Variants in NRXN3 observed in about 807,000 individuals in gnomAD.
The protein encoded by NRXN3 is neurexin 3.
In NRXN3, 32 loss-of-function variants were observed where a neutral mutation model predicts 137.6. The ratio of observed to expected loss-of-function variants is 0.23; its 90% confidence interval spans 0.18 to 0.31. The LOEUF (loss-of-function observed/expected upper bound fraction) is 0.31, where lower values mean the gene tolerates loss of function less well. NRXN3 is among the 10% of genes least tolerant of loss of function. The probability of loss-of-function intolerance (pLI) is 1.00; values close to 1 mark genes in which losing one functional copy is unlikely to be tolerated. For missense variants in NRXN3, 1,574 were observed against 2,062.5 expected (o/e 0.76, Z 4.59); for synonymous variants, 798 against 784.5 (o/e 1.02, Z -0.29).
chr14:78,577,748 T>C (rs75526660), intron 4 of NRXN3, among the ~76,000 whole-genome samples: 2,053 of 152,278 alleles, frequency 0.013, 39 homozygotes, highest in African/African-American at 0.048. Flanking sequence ...AAAAAATCTT[T>C]AATGTTGCGT....
At chr14:78,886,366 A>G (rs1487731910) in intron 10 of NRXN3, among the ~76,000 whole-genome samples, 1 of 152,140 alleles carries the variant, frequency 6.6e-6, no homozygotes, top group East Asian at 1.9e-4. Context: ...AGAGTTCAGT[A>G]TATATTCAGT....
chr14:79,458,573 A>T (rs2096286172), intron 15 of NRXN3, among the ~76,000 whole-genome samples: 1 of 152,190 alleles, frequency 6.6e-6, no homozygotes, highest in East Asian at 1.9e-4. Flanking sequence ...AGAGATAAAT[A>T]AATTAAACAG....
chr14:78,589,490 C>A (rs1410975466), intron 4 of NRXN3, among the ~76,000 whole-genome samples: 2 of 152,220 alleles, frequency 1.3e-5, no homozygotes, highest in African/African-American at 4.8e-5. Context: ...CAGTTTAAGT[C>A]TGACCTTCCC....
intron 19 of NRXN3, among the ~76,000 whole-genome samples, chr14:79,769,605 T>A (rs370573472): frequency 1.3e-5 from 2 of 152,054 alleles, no homozygotes; most frequent in African/African-American, 4.8e-5. Flanking sequence ...GCCTGCCCTA[T>A]AAGAGCTCCT....
intron 17 of NRXN3, among the ~76,000 whole-genome samples, chr14:79,690,494 T>C (rs563403902): frequency 2.0e-5 from 3 of 152,118 alleles, no homozygotes; most frequent in East Asian, 1.9e-4. Flanking sequence ...ATTGTTCCTA[T>C]TGCATTTTAT....
intron 16 of NRXN3, among the ~76,000 whole-genome samples, chr14:79,639,330 C>G (rs547641835): frequency 2.0e-5 from 3 of 152,188 alleles, no homozygotes; most frequent in East Asian, 3.9e-4. Flanking sequence ...AAGCCTTGTA[C>G]CCAATAGTTA....
intron 4 of NRXN3, among the ~76,000 whole-genome samples, chr14:78,551,985 C>G (rs560126470): frequency 6.6e-6 from 1 of 152,112 alleles, no homozygotes. Flanking sequence ...GGTCGCGATA[C>G]CCTGGGCAGC....
At chr14:78,492,228 G>A (rs1269479097) in intron 4 of NRXN3, among the ~76,000 whole-genome samples, 1 of 152,190 alleles carries the variant, frequency 6.6e-6, no homozygotes, top group Non-Finnish European at 1.5e-5. Context: ...GAGAGGGGCA[G>A]GTGGCTGTGC....
intron 15 of NRXN3, among the ~76,000 whole-genome samples, chr14:79,378,609 G>A (rs1443326022): frequency 6.6e-6 from 1 of 152,206 alleles, no homozygotes; most frequent in Non-Finnish European, 1.5e-5. Context: ...GTGTTGTTAA[G>A]TTAGTTTACG....
chr14:79,755,904 C>G (rs908767804), intron 19 of NRXN3, among the ~76,000 whole-genome samples: 18 of 152,134 alleles, frequency 1.2e-4, no homozygotes, highest in African/African-American at 4.1e-4. Flanking sequence ...CACATTTAAG[C>G]TTTACTTAAC....
chr14:79,013,642 A>C (rs998484559), intron 15 of NRXN3, among the ~76,000 whole-genome samples: 18 of 152,300 alleles, frequency 1.2e-4, no homozygotes, highest in African/African-American at 4.3e-4. Flanking sequence ...TTAATAATTC[A>C]GGTAATTATT....
intron 17 of NRXN3, among the ~76,000 whole-genome samples, chr14:79,673,407 T>C (rs2098622375): frequency 6.6e-6 from 1 of 152,124 alleles, no homozygotes; most frequent in African/African-American, 2.4e-5. Context: ...AGTTTATAAG[T>C]AGCAAATGTC....
intron 4 of NRXN3, among the ~76,000 whole-genome samples, chr14:78,448,128 T>C (rs957837886): frequency 1.3e-5 from 2 of 152,242 alleles, no homozygotes; most frequent in African/African-American, 4.8e-5. Context: ...TTTTTTCCTT[T>C]CTAGAACTCC....
intron 1 of NRXN3, among the ~76,000 whole-genome samples, chr14:78,214,720 C>T (rs1042054240): frequency 6.6e-6 from 1 of 152,178 alleles, no homozygotes; most frequent in Admixed American, 6.5e-5. Flanking sequence ...CCTTGTTTGC[C>T]CAGCCTCCTT....
intron 15 of NRXN3, among the ~76,000 whole-genome samples, chr14:79,149,027 T>C (rs1441237986): frequency 6.6e-6 from 1 of 152,132 alleles, no homozygotes; most frequent in African/African-American, 2.4e-5. Flanking sequence ...CCTCAATATG[T>C]TCCCTGTCCT....
At chr14:79,398,244 G>C (rs1482998105) in intron 15 of NRXN3, among the ~76,000 whole-genome samples, 2 of 152,108 alleles carry the variant, frequency 1.3e-5, no homozygotes, top group African/African-American at 4.8e-5. Flanking sequence ...CAACTGGCTT[G>C]GTATCTGGTA....
At chr14:78,487,306 G>A (rs1206716669) in intron 4 of NRXN3, among the ~76,000 whole-genome samples, 1 of 152,140 alleles carries the variant, frequency 6.6e-6, no homozygotes, top group Non-Finnish European at 1.5e-5. Flanking sequence ...TGCAACTCTG[G>A]AGGAGGCCAG....
At chr14:79,776,418 G>A (rs1379412886) in intron 19 of NRXN3, among the ~76,000 whole-genome samples, 1 of 152,134 alleles carries the variant, frequency 6.6e-6, no homozygotes, top group Non-Finnish European at 1.5e-5. Context: ...CCTAAATGAG[G>A]CCACAAGGCT....
intron 4 of NRXN3, among the ~76,000 whole-genome samples, chr14:78,521,728 G>A (rs2096287043): frequency 1.3e-5 from 2 of 151,998 alleles, no homozygotes; most frequent in African/African-American, 2.4e-5. Context: ...ATACCACAAT[G>A]ATATATAACT....
Sources: gnomAD v4.1 joint callset for allele counts (sites outside exome capture counted in the v4.1 genomes callset) on GRCh38, gnomAD v4.1.1 for gene constraint, MANE v1.5 for transcripts, NCBI Gene and HGNC (gene_info 2026-07-23, HGNC 2026-07-21) for gene names.